The following MCM7 variants were observed in gnomAD, a reference collection of about 807,000 sequenced individuals.
MCM7 encodes the protein DNA replication licensing factor MCM7.
A neutral mutation model predicts 83.5 loss-of-function variants in MCM7; 95 were observed. The ratio of observed to expected loss-of-function variants is 1.14; its 90% confidence interval spans 0.96 to 1.35. The LOEUF is 1.35. Ranked by LOEUF, MCM7 falls within the 40% of genes most tolerant of loss-of-function variation. The pLI is 0.00. For missense variants in MCM7, 1,087 were observed against 957.4 expected (o/e 1.14, Z -1.79); for synonymous variants, 461 against 352.7 (o/e 1.31, Z -3.44).
Position 100,094,322 on chromosome 7 carries a change from G to A in MCM7, c.1699C>T (p.Arg567Cys), listed in dbSNP as rs28665367. 1.7e-5 allele frequency: 27 copies of A among 1,614,104 alleles called. No individual in the cohort carries two copies. In the African/African-American group the frequency reaches 2.3e-4, roughly 14 times the overall value. ...TCTGGCACCATGGGCTGCTTCTCGC[G>A]GCACATGGCTATGTAACGCCTGTGG... is the stretch of plus-strand genomic sequence containing the variant. Reference protein sequence around the residue: ...KLMRRYIAMCREKQPMVPESL... With the variant: ...KLMRRYIAMCCEKQPMVPESL... Residue 567 changes from arginine (R) to cysteine (C), a missense_variant, in exon 13 of 15, where the codon CGC becomes TGC. Transcript: ENST00000303887.
rs745364621 is a variant in MCM7, at chr7:100,099,319, T to C, written c.361A>G (p.Ser121Gly). 6.2e-7 allele frequency: 1 copy of C among 1,613,884 alleles called. No homozygotes were observed. The highest frequency in any genetic ancestry group is 1.1e-5 in the South Asian group (1 of 91,070). ...TCAGCAGGGTACTGGTTCTGGGGGCTTCGGACCATCCCAGGGTCCCGACTC... is the reference window on the plus strand; with the variant it reads ...TCAGCAGGGTACTGGTTCTGGGGGCCTCGGACCATCCCAGGGTCCCGACTC... ...QRSRDPGMVR[S>G]PQNQYPAELM... Residue 121 changes from serine to glycine, a missense_variant, in exon 4 of 15, where the codon AGC becomes GGC. Transcript: ENST00000303887.
intron 1 of MCM7, chr7:100,100,673 C>T: frequency 1.0e-6 from 1 of 990,076 alleles, no homozygotes; most frequent in Non-Finnish European, 1.2e-6. Flanking sequence ...CGGGCCCGAG[C>T]GAAGCTCCGG....
At chr7:100,093,894 G>A (rs759739654) in intron 13 of MCM7, 11 of 676,136 alleles carry the variant, frequency 1.6e-5, no homozygotes, top group African/African-American at 5.2e-5. Context: ...CTGTAGCACA[G>A]GATCTAGGAC....
At position 100,099,034 on chromosome 7, in the gene MCM7, T is replaced by A. The variant is rs1285180364; in HGVS notation, c.571A>T (p.Thr191Ser). The A allele has an allele frequency of 1.2e-6, 2 of 1,613,940 alleles. No individual in the cohort carries two copies. The highest frequency in any genetic ancestry group is 2.7e-5 in the African/African-American group (2 of 74,886). Residue 191 changes from threonine to serine, a missense_variant, in exon 5 of 15, where the codon ACC becomes TCC. Coordinates refer to ENST00000303887, the MANE Select transcript of MCM7 (RefSeq NM_005916.5). ...TGCTCCACACGTACCGGCTGGTAGG[T>A]CTCTGCCCCACACTGGTCACAAGTG... ...TYTCDQCGAE[T>S]YQPIQSPTFM...
chr7:100,094,472 C>G (rs1795513163), intron 12 of MCM7, 131 bp from the exon 13 acceptor site: 1 of 971,966 alleles, frequency 1.0e-6, no homozygotes, highest in Admixed American at 2.4e-5. Flanking sequence ...GTGGAAAACA[C>G]AAATTAGTGG....
intron 13 of MCM7, 71 bp from the exon 14 acceptor site, chr7:100,093,472 G>C (rs2116549547): frequency 1.4e-6 from 2 of 1,413,136 alleles, no homozygotes; most frequent in Non-Finnish European, 2.0e-6. Flanking sequence ...GGACACCCTT[G>C]TTCTGGCTTT....
intron 1 of MCM7, among the ~76,000 whole-genome samples, chr7:100,101,032 G>A (rs1211684179): frequency 6.6e-6 from 1 of 152,010 alleles, no homozygotes; most frequent in Non-Finnish European, 1.5e-5. Flanking sequence ...CCAACCCCAC[G>A]ACCCTAACAC....
rs1397537547 is a variant in MCM7 at position 100,099,757 on chromosome 7, A to G, written c.112-4T>C. The G allele has an allele frequency of 6.2e-6, 10 of 1,613,486 alleles. No homozygotes were observed. Among genetic ancestry groups the G allele is most frequent in the Non-Finnish European group, 8.5e-6 (10 of 1,179,722 alleles). On this transcript the variant is annotated splice_polypyrimidine_tract_variant and splice_region_variant and intron_variant, in intron 2 of 14. Coordinates refer to ENST00000303887, the MANE Select transcript of MCM7 (RefSeq NM_005916.5). ...GTTCCCGATGAGCCAGCCGAACCTC[A>G]AGTGGGGAAGAGACAGAAACACCTC...
At chr7:100,100,559 A>C in intron 1 of MCM7, 1 of 991,864 alleles carries the variant, frequency 1.0e-6, no homozygotes, top group African/African-American at 1.7e-5. Context: ...CCCGGATTCC[A>C]GCCGCTTCAC....
intron 14 of MCM7, 43 bp from the exon 15 acceptor site, chr7:100,093,176 G>T: frequency 6.2e-7 from 1 of 1,606,220 alleles, no homozygotes; most frequent in Non-Finnish European, 8.5e-7. Context: ...ATACAAACAG[G>T]AATGCTCGAC....
intron 3 of MCM7, 89 bp downstream of exon 3, chr7:100,099,500 C>A: frequency 6.3e-7 from 1 of 1,586,130 alleles, no homozygotes; most frequent in South Asian, 1.1e-5. Context: ...TCCTTTCTGC[C>A]TGCTCAGAAA....
Position 100,098,713 on chromosome 7 carries a change from G to T in MCM7, c.585C>A (p.Ile195=). The T allele has an allele frequency of 1.2e-6, 2 of 1,614,124 alleles. No homozygotes were observed. Among genetic ancestry groups the T allele is most frequent in the East Asian group, 4.5e-5 (2 of 44,884 alleles). Residue 195 remains isoleucine (I), a splice_region_variant and synonymous_variant, in exon 6 of 15, where the codon ATC becomes ATA. Coordinates refer to ENST00000303887, the MANE Select transcript of MCM7 (RefSeq NM_005916.5). ...DQCGAETYQP[I]QSPTFMPLIM... is the part of the protein sequence containing the mutation. The stretch of plus-strand genomic sequence containing the variant: ...TCAGAGGCATGAAAGTGGGAGACTG[G>T]ATCTAGGATGTGAGAACAGAAACAC...
At position 100,094,359 on chromosome 7, in the gene MCM7, T is replaced by A; in HGVS notation, c.1680-18A>T. The A allele has an allele frequency of 6.2e-7, 1 of 1,613,464 alleles. No individual in the cohort carries two copies. Among genetic ancestry groups the A allele is most frequent in the South Asian group, 1.1e-5 (1 of 91,056 alleles). ...TGTAACGCCTGTGGGGGAAGGTTCA[T>A]GGGGAAGCAGAAGAGGGAGATGGGG... On this transcript the variant is annotated intron_variant, in intron 12 of 14. Coordinates refer to ENST00000303887, the MANE Select transcript of MCM7 (RefSeq NM_005916.5).
chr7:100,098,092 G>A, intron 7 of MCM7, 49 bp downstream of exon 7: 2 of 1,603,114 alleles, frequency 1.2e-6, no homozygotes, highest in East Asian at 4.5e-5. Context: ...AGAATGAGTA[G>A]GTGAGGGAAA....
In MCM7 at chr7:100,101,316, C is replaced by T; in HGVS notation, c.-22G>A. 1 of 1,613,034 alleles carries T rather than the reference C, an allele frequency of 6.2e-7. No individual in the cohort carries two copies. Among genetic ancestry groups the T allele is most frequent in the East Asian group, 2.2e-5 (1 of 44,878 alleles). ...CCATCGCTGCCGAGGGCCGTGCGGC[C>T]GCGCTTGGCGGGCTCAGAGGTCTTG... On this transcript the variant is annotated 5_prime_UTR_variant, in exon 1 of 15. Transcript: ENST00000303887.
At chr7:100,098,923 C>A in intron 5 of MCM7, 100 bp downstream of exon 5, 1 of 1,522,590 alleles carries the variant, frequency 6.6e-7, no homozygotes, top group South Asian at 1.2e-5. Flanking sequence ...ACACAGGCAA[C>A]TTTTACAACC....
intron 12 of MCM7, among the ~76,000 whole-genome samples, chr7:100,094,720 A>C (rs1231096391): frequency 1.3e-5 from 2 of 152,202 alleles, no homozygotes; most frequent in African/African-American, 2.4e-5. Flanking sequence ...ACCGGAAAGA[A>C]CACTGGAGGC....
At chr7:100,100,145 G>T in intron 1 of MCM7, 52 bp from the exon 2 acceptor site, 1 of 1,600,702 alleles carries the variant, frequency 6.2e-7, no homozygotes, top group East Asian at 2.2e-5. Flanking sequence ...ACAAATCTTA[G>T]ATACCCATTT....
In MCM7 at chr7:100,097,638, A is replaced by G. The variant is rs1223633531; in HGVS notation, c.1093T>C (p.Ser365Pro). 1 of 1,613,818 alleles carries G rather than the reference A, an allele frequency of 6.2e-7. No individual in the cohort carries two copies. The highest frequency in any genetic ancestry group is 8.5e-7 in the Non-Finnish European group (1 of 1,179,988). ...CCCCGGATTTTCATGCCTCGAGGAG[A>G]CTGGTCCACACCCCCGACTAGCAGG... ...LLLLVGGVDQ[S>P]PRGMKIRGNI... The change falls in exon 9 of 15, where the codon TCT becomes CCT. Residue 365 changes from serine (S) to proline (P), a missense_variant. Ser to Pro is a moderately conservative substitution (Grantham distance 74, BLOSUM62 -1). Transcript: ENST00000303887.
Sources: gnomAD v4.1 joint callset for allele counts (sites outside exome capture counted in the v4.1 genomes callset) on GRCh38, gnomAD v4.1.1 for gene constraint, MANE v1.5 for transcripts, NCBI Gene and HGNC (gene_info 2026-07-23, HGNC 2026-07-21) for gene names.